NKAIN3: variants seen among roughly 807,000 people sequenced by gnomAD.
NKAIN3 encodes sodium/potassium transporting ATPase interacting 3, also known as sodium/potassium-transporting ATPase subunit beta-1-interacting protein 3.
NKAIN3 carries 25 observed loss-of-function variants against 30.2 expected under a neutral mutation model. The observed-to-expected ratio is 0.83, with a 90% confidence interval of 0.60 to 1.16. NKAIN3 has a LOEUF of 1.16. NKAIN3 is among the 50% of genes most tolerant of loss of function. The probability of loss-of-function intolerance (pLI) is 0.00; values close to 1 mark genes in which losing one functional copy is unlikely to be tolerated. For missense variants in NKAIN3, 225 were observed against 254.1 expected, an observed-to-expected ratio of 0.89 and a Z score of 0.78; for synonymous variants, 91 against 89.6, an observed-to-expected ratio of 1.02 and a Z score of -0.09.
chr8:62,988,999 C>T (rs957617804), downstream of NKAIN3, among the ~76,000 whole-genome samples: 1 of 152,190 alleles, frequency 6.6e-6, no homozygotes, highest in African/African-American at 2.4e-5. Flanking sequence ...CAAAATGCCA[C>T]CAGTCTCTTT....
chr8:62,439,092 A>T (rs1316957104), intron 1 of NKAIN3, among the ~76,000 whole-genome samples: 4 of 152,204 alleles, frequency 2.6e-5, no homozygotes, highest in Non-Finnish European at 5.9e-5. Flanking sequence ...GTTAGGCTTT[A>T]TCCAAGGATC....
At position 62,660,416 on chromosome 8, in the gene NKAIN3, T is replaced by C. The variant is rs186757392; in HGVS notation, c.273+70622T>C. Among the ~76,000 whole-genome samples the C allele has an allele frequency of 1.3e-3, 198 of 152,270 alleles. 1 individual carries two copies. The highest frequency in any genetic ancestry group is 2.2e-3 in the Non-Finnish European group (148 of 68,004). On this transcript the variant is annotated intron_variant, in intron 3 of 6. Transcript: ENST00000623646. The stretch of plus-strand genomic sequence containing the variant: ...TGGATAGAGATGAGGTATCCATGTG[T>C]GAATTATACATTTAAAAACTAGGCT...
chr8:62,562,433 A>G (rs1331974036), intron 1 of NKAIN3, among the ~76,000 whole-genome samples: 1 of 152,202 alleles, frequency 6.6e-6, no homozygotes. Flanking sequence ...GCAAGGTTAC[A>G]GCAGAAATAC....
intron 1 of NKAIN3, among the ~76,000 whole-genome samples, chr8:62,513,613 A>G (rs56964688): frequency 0.12 from 17,869 of 151,982 alleles, 1,320 homozygotes; most frequent in African/African-American, 0.21. Flanking sequence ...TCACACCTGT[A>G]ATCTCAGCAC....
At chr8:62,745,563 A>G (rs189108881) in intron 3 of NKAIN3, among the ~76,000 whole-genome samples, 5 of 152,154 alleles carry the variant, frequency 3.3e-5, no homozygotes, top group Admixed American at 2.0e-4. Flanking sequence ...CTGGTCCCTA[A>G]TCTGTTCTTT....
intron 1 of NKAIN3, among the ~76,000 whole-genome samples, chr8:62,485,124 T>C (rs995056955): frequency 6.6e-6 from 1 of 152,106 alleles, no homozygotes; most frequent in African/African-American, 2.4e-5. Context: ...TGCCCCAGGG[T>C]TGAGTCCTTT....
chr8:62,467,425 T>G (rs1806196006), intron 1 of NKAIN3, among the ~76,000 whole-genome samples: 1 of 152,202 alleles, frequency 6.6e-6, no homozygotes, highest in South Asian at 2.1e-4. Flanking sequence ...TAATTTAAAT[T>G]ATCAGAAATC....
intron 1 of NKAIN3, among the ~76,000 whole-genome samples, chr8:62,541,271 T>C (rs1183014036): frequency 1.3e-5 from 2 of 152,008 alleles, no homozygotes. Context: ...TAAGTCAAGA[T>C]CTCACCACTG....
intron 4 of NKAIN3, among the ~76,000 whole-genome samples, chr8:62,876,855 T>C (rs1820811672): frequency 6.6e-6 from 1 of 151,828 alleles, no homozygotes. Flanking sequence ...GGTCAATAGG[T>C]GCAGCAAACC....
At chr8:62,426,706 G>T (rs147838344) in intron 1 of NKAIN3, among the ~76,000 whole-genome samples, 194 of 152,106 alleles carry the variant, frequency 1.3e-3, no homozygotes, top group African/African-American at 4.6e-3. Flanking sequence ...GTAAAAAAAA[G>T]GCTGAAGTGA....
intron 3 of NKAIN3, among the ~76,000 whole-genome samples, chr8:62,603,601 C>G (rs1034773864): frequency 6.6e-6 from 1 of 152,090 alleles, no homozygotes; most frequent in Non-Finnish European, 1.5e-5. Flanking sequence ...GAAAGTTTGT[C>G]TCTGAGCCCC....
Position 62,646,071 on chromosome 8 carries a change from A to G in NKAIN3, c.273+56277A>G, listed in dbSNP as rs1312566670. 2.0e-5 allele frequency among the ~76,000 whole-genome samples: 3 copies of G among 151,524 alleles called. No homozygotes were observed. The East Asian group carries it at 5.8e-4, about 29-fold the overall frequency. On this transcript the variant is annotated intron_variant, in intron 3 of 6. Transcript: ENST00000623646. ...GTTATTATATTGCAATGGCTATTAT[A>G]TATAATAACTATTATATATCATAGA...
intron 1 of NKAIN3, among the ~76,000 whole-genome samples, chr8:62,279,046 T>G (rs1813074904): frequency 6.6e-6 from 1 of 152,078 alleles, no homozygotes; most frequent in African/African-American, 2.4e-5. Flanking sequence ...CCTGTTGTTT[T>G]CTGACTTTTT....
At chr8:62,494,437 T>C (rs939417558) in intron 1 of NKAIN3, among the ~76,000 whole-genome samples, 2 of 152,132 alleles carry the variant, frequency 1.3e-5, no homozygotes, top group African/African-American at 4.8e-5. Flanking sequence ...ATTTTGAGGA[T>C]TTTTGCATCA....
chr8:62,529,936 C>T (rs1033114401), intron 1 of NKAIN3, among the ~76,000 whole-genome samples: 1 of 152,136 alleles, frequency 6.6e-6, no homozygotes, highest in Non-Finnish European at 1.5e-5. Context: ...CTTCCCCTAC[C>T]AGTTCTGGCA....
intron 1 of NKAIN3, among the ~76,000 whole-genome samples, chr8:62,382,371 G>A (rs1817304842): frequency 6.6e-6 from 1 of 152,098 alleles, no homozygotes. Context: ...GCAAAGTAAG[G>A]GTTGGTCTTG....
intron 5 of NKAIN3, among the ~76,000 whole-genome samples, chr8:62,948,208 C>G (rs1244676449): frequency 7.1e-6 from 1 of 140,752 alleles, no homozygotes; most frequent in East Asian, 2.1e-4. Flanking sequence ...TTTTTTTTTT[C>G]TTTTTTTGAG....
intron 1 of NKAIN3, among the ~76,000 whole-genome samples, chr8:62,390,029 T>A (rs1444905791): frequency 6.6e-6 from 1 of 151,938 alleles, no homozygotes; most frequent in Non-Finnish European, 1.5e-5. Context: ...TTCTTTTTTT[T>A]AAATTTAACT....
At chr8:62,596,881 G>A (rs1810851714) in intron 3 of NKAIN3, among the ~76,000 whole-genome samples, 1 of 152,092 alleles carries the variant, frequency 6.6e-6, no homozygotes, top group Admixed American at 6.6e-5. Flanking sequence ...TGGGTTAAGA[G>A]TTGCACAAGT....
Sources: gnomAD v4.1 joint callset for allele counts (sites outside exome capture counted in the v4.1 genomes callset) on GRCh38, gnomAD v4.1.1 for gene constraint, MANE v1.5 for transcripts, NCBI Gene and HGNC (gene_info 2026-07-23, HGNC 2026-07-21) for gene names.